Variants in CHD5 observed in about 807,000 individuals in gnomAD.
The protein encoded by CHD5 is ATP-dependent chromatin remodeler CHD5.
Under a neutral mutation model 230.3 loss-of-function variants are expected in CHD5, and 69 were observed. The observed-to-expected ratio is 0.30, with a 90% confidence interval of 0.25 to 0.37. The LOEUF is 0.37. Ranked by LOEUF, CHD5 falls within the 10% of genes least tolerant of loss-of-function variation. The probability of loss-of-function intolerance (pLI) is 1.00; values close to 1 mark genes in which losing one functional copy is unlikely to be tolerated. For missense variants in CHD5, 1,827 were observed against 2,622.8 expected (o/e 0.70, Z 6.63); for synonymous variants, 1,064 against 1,065.9 (o/e 1.00, Z 0.03).
At position 6,131,596 on chromosome 1, in the gene CHD5, G is replaced by A. The variant is rs1243137627; in HGVS notation, c.3262+35C>T. The A allele has an allele frequency of 3.8e-6, 5 of 1,301,878 alleles. No individual in the cohort carries two copies. The highest frequency in any genetic ancestry group is 5.6e-6 in the Non-Finnish European group (5 of 898,624). 80.6% of individuals were successfully genotyped at this position (1,301,878 alleles called of 1,614,324 possible). On this transcript the variant is annotated intron_variant, in intron 21 of 41. Transcript: ENST00000262450. The surrounding 1 kb of genome is among the most constrained non-coding windows in gnomAD (Gnocchi z 5.0). ...GCCTGGGAGAAGAGGCCAAAAAGGA[G>A]TCTCAATCAGAACCCTTGGGCAGGA...
intron 33 of CHD5, among the ~76,000 whole-genome samples, chr1:6,114,057 G>A (rs1037132835): frequency 2.6e-5 from 4 of 152,196 alleles, no homozygotes; most frequent in African/African-American, 4.8e-5. Context: ...AGACCAGCCT[G>A]ACCAATATGG....
chr1:6,128,340 T>C lies in CHD5; in HGVS notation c.3731-122A>G. On this transcript the variant is annotated intron_variant, in intron 24 of 41. Coordinates refer to ENST00000262450, the MANE Select transcript of CHD5 (RefSeq NM_015557.3). The surrounding 1 kb of genome is among the most constrained non-coding windows in gnomAD (Gnocchi z 7.8). ...CAGCAGGGGCTGCAGCTGAGAGGCA[T>C]GGTGACCAGACAGAGGAAACTGCGC... is the stretch of plus-strand genomic sequence containing the variant. 1.7e-6 allele frequency: 2 copies of C among 1,168,942 alleles called. No individual in the cohort carries two copies. The highest frequency in any genetic ancestry group is 1.2e-6 in the Non-Finnish European group (1 of 814,886). The allele number at this position is 1,168,942 out of a possible 1,614,324, so 72.4% of individuals were successfully genotyped here. A position where few individuals can be genotyped will look rare whatever the true frequency, so the allele number is the denominator to read the frequency against.
intron 7 of CHD5, among the ~76,000 whole-genome samples, chr1:6,150,463 TGGACGGACGGAC>T (rs59020358): frequency 2.1e-5 from 3 of 141,590 alleles, no homozygotes; most frequent in African/African-American, 5.6e-5. Context: ...GATGGATGGA[TGGACGGACGGAC>T]GGACGGACGG....
At position 6,148,902 on chromosome 1, in the gene CHD5, C is replaced by G; in HGVS notation, c.1335G>C (p.Pro445=). 6.3e-7 allele frequency: 1 copy of G among 1,587,702 alleles called. No individual in the cohort carries two copies. Among genetic ancestry groups the G allele is most frequent in the East Asian group, 2.3e-5 (1 of 43,960 alleles). Reference sequence around the variant, plus strand: ...CACCGTTTGGGATCTCGGGCAGCGGCGGGTTGAGGCAATGCAGGTGGTAGG... The same window carrying G: ...CACCGTTTGGGATCTCGGGCAGCGGGGGGTTGAGGCAATGCAGGTGGTAGG... ...PSSYHLHCLN[P]PLPEIPNGEW... Residue 445 remains proline, a synonymous_variant, in exon 9 of 42, where the codon CCG becomes CCC. Coordinates refer to ENST00000262450, the MANE Select transcript of CHD5 (RefSeq NM_015557.3).
chr1:6,106,155 G>A, intron 41 of CHD5, 79 bp downstream of exon 41: 1 of 1,326,478 alleles, frequency 7.5e-7, no homozygotes, highest in Non-Finnish European at 1.1e-6. Flanking sequence ...TCAAGTGCAG[G>A]GGCAGGGCTG....
intron 1 of CHD5, among the ~76,000 whole-genome samples, chr1:6,172,194 T>C (rs1041345594): frequency 4.6e-5 from 7 of 152,196 alleles, no homozygotes; most frequent in East Asian, 1.9e-4. Flanking sequence ...GGGTAGCGCA[T>C]TGCAATAGCA....
intron 13 of CHD5, 33 bp downstream of exon 13, chr1:6,143,790 C>G: frequency 1.3e-6 from 2 of 1,569,942 alleles, no homozygotes; most frequent in Middle Eastern, 4.6e-4. Flanking sequence ...CCCTGGCAAC[C>G]CCACCCACTG....
rs1383755135 is a variant in CHD5, at chr1:6,102,817, G to T, written c.*2657C>A. On this transcript the variant is annotated 3_prime_UTR_variant, in exon 42 of 42. Transcript: ENST00000262450. ...AGCTTCGGAAGGTGGCTTTCACGGG[G>T]GACGCTGCTTCTGCCTCAGGCGTGT... 1 of 152,260 alleles carries T rather than the reference G, an allele frequency of 6.6e-6. No homozygotes were observed. The highest frequency in any genetic ancestry group is 2.4e-5 in the African/African-American group (1 of 41,448). The allele number at this position is 152,260 out of a possible 1,614,324, so 9.4% of individuals were successfully genotyped here. A position where few individuals can be genotyped will look rare whatever the true frequency, so the allele number is the denominator to read the frequency against.
In CHD5 at chr1:6,134,055, G is replaced by T. The variant is rs114211830; in HGVS notation, c.3144+73C>A. Reference sequence around the variant, plus strand: ...CCCTGAGGGGTGCCAGCAAGTTTGCGCCCCCAAGCATCAGGGCAGGATGCT... The same window carrying T: ...CCCTGAGGGGTGCCAGCAAGTTTGCTCCCCCAAGCATCAGGGCAGGATGCT... On this transcript the variant is annotated intron_variant, in intron 20 of 41. Transcript: ENST00000262450. This position sits in a 1 kb window ranked among gnomAD's most constrained non-coding sequence, Gnocchi z 6.3. The T allele has an allele frequency of 3.4e-6, 5 of 1,490,176 alleles. No homozygotes were observed. Among genetic ancestry groups the T allele is most frequent in the Non-Finnish European group, 4.6e-6 (5 of 1,092,002 alleles). The allele number at this position is 1,490,176 out of a possible 1,614,324, so 92.3% of individuals were successfully genotyped here.
rs1398016796 is a variant in CHD5, at chr1:6,155,781, A to T, written c.388-64T>A. The T allele has an allele frequency of 4.6e-6, 6 of 1,299,378 alleles. No homozygotes were observed. Among genetic ancestry groups the T allele is most frequent in the African/African-American group, 4.4e-5 (3 of 68,036 alleles). 80.5% of individuals were successfully genotyped at this position (1,299,378 alleles called of 1,614,324 possible). ...CCTTCTGACCTGCACCCCCATCCCCAGGGTCTCTGCCTAGGAGGCTTTGGC... is the reference window on the plus strand; with the variant it reads ...CCTTCTGACCTGCACCCCCATCCCCTGGGTCTCTGCCTAGGAGGCTTTGGC... On this transcript the variant is annotated intron_variant, in intron 3 of 41. Transcript: ENST00000262450. The surrounding 1 kb of genome is among the most constrained non-coding windows in gnomAD (Gnocchi z 4.0).
chr1:6,145,746 T>C (rs1666899154), intron 11 of CHD5, among the ~76,000 whole-genome samples: 1 of 152,216 alleles, frequency 6.6e-6, no homozygotes, highest in South Asian at 2.1e-4. Context: ...GGCTGTGTGA[T>C]TCTGGCGACT....
rs538801025 is a variant in CHD5, at chr1:6,106,409, C to T, written c.5843G>A (p.Gly1948Glu). Reference protein sequence around the residue: ...GIVNYNQMPLGPYVTDI With the variant: ...GIVNYNQMPLEPYVTDI Reference sequence around the variant, plus strand: ...CGGGCACCTACCGGTCACATAGGGCCCCAGGGGCATCTGGTTGTAGTTGAC... The same window carrying T: ...CGGGCACCTACCGGTCACATAGGGCTCCAGGGGCATCTGGTTGTAGTTGAC... The change falls in exon 40 of 42, where the codon GGG (glycine) becomes GAG (glutamate). Residue 1948 changes from glycine to glutamate, a missense_variant. Gly to Glu is a moderately conservative substitution (Grantham distance 98). Coordinates refer to ENST00000262450, the MANE Select transcript of CHD5 (RefSeq NM_015557.3). 1.9e-6 allele frequency: 3 copies of T among 1,594,462 alleles called. No individual in the cohort carries two copies. Among genetic ancestry groups the T allele is most frequent in the Non-Finnish European group, 2.6e-6 (3 of 1,171,022 alleles).
Position 6,126,711 on chromosome 1 carries a change from C to T in CHD5, c.3939G>A (p.Glu1313=), listed in dbSNP as rs750701843. Residue 1313 remains glutamate, a synonymous_variant, in exon 26 of 42, where the codon GAG becomes GAA. Transcript: ENST00000262450. This position sits in a 1 kb window ranked among gnomAD's most constrained non-coding sequence, Gnocchi z 5.7. The part of the protein sequence containing the change: ...EVEREIIKQE[E]NVDPDYWEKL... ...TCTCCCAGTAGTCGGGGTCCACGTT[C>T]TCCTCCTGCTTGATGATTTCCCGCT... The T allele has an allele frequency of 6.8e-6, 11 of 1,613,998 alleles. No individual in the cohort carries two copies. The highest frequency in any genetic ancestry group is 8.5e-6 in the Non-Finnish European group (10 of 1,179,960).
At position 6,135,278 on chromosome 1, in the gene CHD5, G is replaced by A. The variant is rs1666720797; in HGVS notation, c.2822C>T (p.Pro941Leu). ...CCGGACAATGAGCTCGGTCTTGGCC[G>A]GCATGTTCTTGAACACGTCAGCCTT... ...RLKADVFKNM[P>L]AKTELIVRVE... Residue 941 changes from proline (P) to leucine (L), a missense_variant, in exon 18 of 42, where the codon CCG becomes CTG. Physicochemically the swap from Pro to Leu is moderately conservative, Grantham distance 98 (BLOSUM62 -3). This residue lies in a region of CHD5 where 52 missense variants were observed against 164.5 expected (regional missense o/e 0.32). Coordinates refer to ENST00000262450, the MANE Select transcript of CHD5 (RefSeq NM_015557.3). The A allele has an allele frequency of 1.2e-6, 2 of 1,614,126 alleles. No individual in the cohort carries two copies. Among genetic ancestry groups the A allele is most frequent in the Non-Finnish European group, 1.7e-6 (2 of 1,180,024 alleles).
intron 15 of CHD5, among the ~76,000 whole-genome samples, chr1:6,140,709 A>T (rs1262154085): frequency 6.6e-6 from 1 of 152,138 alleles, no homozygotes; most frequent in Non-Finnish European, 1.5e-5. Context: ...TTGCAGACAT[A>T]ATTAGTTGTC....
In CHD5 at chr1:6,159,467, A is replaced by C; in HGVS notation, c.256T>G (p.Ser86Ala). ...SENEEDLEEK[S>A]ESEGSDYSPN... ...GAGTAGTCACTGCCTTCACTCTCCG[A>C]CTTCTCTTCCAGATCCTCTTCATTC... is the stretch of plus-strand genomic sequence containing the variant. The change falls in exon 3 of 42, where the codon TCG (serine) becomes GCG (alanine). Residue 86 changes from serine (S) to alanine (A), a missense_variant. By Grantham distance (99) the Ser-to-Ala change is moderately conservative. Transcript: ENST00000262450. The C allele has an allele frequency of 6.3e-7, 1 of 1,595,998 alleles. No individual in the cohort carries two copies. The highest frequency in any genetic ancestry group is 8.6e-7 in the Non-Finnish European group (1 of 1,169,236).
At chr1:6,170,962 A>T (rs549021123) in intron 1 of CHD5, among the ~76,000 whole-genome samples, 1 of 152,306 alleles carries the variant, frequency 6.6e-6, no homozygotes, top group African/African-American at 2.4e-5. Flanking sequence ...CCGCCTGGGC[A>T]GAGCCACCCC....
chr1:6,111,517 G>A (rs1293273038), intron 36 of CHD5, among the ~76,000 whole-genome samples: 2 of 148,750 alleles, frequency 1.3e-5, no homozygotes, highest in Admixed American at 1.3e-4. Context: ...CTGGGTGACA[G>A]AGTGAAACTC....
At chr1:6,153,728 G>A (rs1667040124) in intron 5 of CHD5, among the ~76,000 whole-genome samples, 1 of 152,200 alleles carries the variant, frequency 6.6e-6, no homozygotes, top group Admixed American at 6.5e-5. Flanking sequence ...CTACTCAGGA[G>A]GCTGAGGCAG....
Sources: allele counts gnomAD v4.1 joint callset (sites outside exome capture counted in the v4.1 genomes callset), GRCh38; gene constraint gnomAD v4.1.1; regional missense constraint gnomAD v4.1.1; non-coding constraint Gnocchi (gnomAD v3.1); transcripts MANE v1.5; gene names NCBI Gene and HGNC (gene_info 2026-07-23, HGNC 2026-07-21).